The following ZNF554 variants were observed in gnomAD, a reference collection of about 807,000 sequenced individuals.
The protein encoded by ZNF554 is zinc finger protein 554.
ZNF554 carries 15 observed loss-of-function variants against 21.2 expected under a neutral mutation model. The observed-to-expected ratio is 0.71, with a 90% CI of 0.47 to 1.09. ZNF554 has a LOEUF of 1.09. ZNF554 is among the 50% of genes least tolerant of loss of function. ZNF554 has a pLI of 0.00. For synonymous variants in ZNF554, 258 were observed against 251.4 expected (o/e 1.03, Z -0.25); for missense variants, 691 against 662.7 (o/e 1.04, Z -0.47).
chr19:2,834,747 C>T lies in ZNF554; in HGVS notation c.1512C>T (p.Ser504=), dbSNP rs368321922. 7 of 1,614,010 alleles carry T rather than the reference C, an allele frequency of 4.3e-6. No homozygotes were observed. Among genetic ancestry groups the T allele is most frequent in the Non-Finnish European group, 2.5e-6 (3 of 1,179,912 alleles). The change falls in exon 5 of 5, where the codon AGC becomes AGT. Residue 504 remains serine (S), a synonymous_variant. Coordinates refer to ENST00000317243, the MANE Select transcript of ZNF554 (RefSeq NM_001102651.2). ...AATGTGGGAAAGCCTTCAGCCAGAG[C>T]TCATCCCTTGTCACACATCAGAAAA... The part of the protein sequence containing the change: ...CQECGKAFSQ[S]SSLVTHQKTH...
chr19:2,834,876 C>T lies in ZNF554; in HGVS notation c.*24C>T. ...AGCAATTGCACGCTGCTTTGTAAGC[C>T]ACTTTTTAGTACTCTGACACATACA... On this transcript the variant is annotated 3_prime_UTR_variant, in exon 5 of 5. Coordinates refer to ENST00000317243, the MANE Select transcript of ZNF554 (RefSeq NM_001102651.2). 1 of 1,543,686 alleles carries T rather than the reference C, an allele frequency of 6.5e-7. No individual in the cohort carries two copies. Among genetic ancestry groups the T allele is most frequent in the Non-Finnish European group, 8.8e-7 (1 of 1,141,472 alleles).
intron 3 of ZNF554, chr19:2,831,173 C>G (rs1191543399): frequency 1.3e-5 from 2 of 152,114 alleles, no homozygotes. Flanking sequence ...TTATTATGGC[C>G]TTTCTAATAT....
chr19:2,831,359 A>G (rs1300053525), intron 3 of ZNF554: 2 of 151,022 alleles, frequency 1.3e-5, no homozygotes, highest in Non-Finnish European at 2.9e-5. Flanking sequence ...CAGTGCTGCA[A>G]TCTCGGCTCA....
chr19:2,826,347 GTA>G (rs1169651643), intron 2 of ZNF554: 81 of 151,904 alleles, frequency 5.3e-4, no homozygotes, highest in African/African-American at 1.9e-3. Context: ...GGGACTACAG[GTA>G]CGTGCCACCA....
At chr19:2,823,753 G>A (rs1464560927) in intron 2 of ZNF554, among the ~76,000 whole-genome samples, 2 of 152,100 alleles carry the variant, frequency 1.3e-5, no homozygotes, top group African/African-American at 4.8e-5. Flanking sequence ...CCTGTCATCT[G>A]TCTGCCTTCT....
intron 4 of ZNF554, among the ~76,000 whole-genome samples, chr19:2,832,781 C>T (rs1384541257): frequency 6.6e-6 from 1 of 152,170 alleles, no homozygotes; most frequent in Admixed American, 6.5e-5. Context: ...GGTCATATCT[C>T]ACTGCATCCT....
chr19:2,819,886 G>C lies in ZNF554; in HGVS notation c.-186G>C, dbSNP rs1241077759. 8.9e-6 allele frequency: 3 copies of C among 335,240 alleles called. No individual in the cohort carries two copies. Among genetic ancestry groups the C allele is most frequent in the African/African-American group, 6.5e-5 (3 of 45,932 alleles). The allele number at this position is 335,240 out of a possible 1,614,324, so 20.8% of individuals were successfully genotyped here. ...CAGGCGCAGTGCCGAGTTTACCTCT[G>C]CGCGCGTCGGGGTTGGTGGCGGCGG... is the stretch of plus-strand genomic sequence containing the variant. On this transcript the variant is annotated 5_prime_UTR_variant, in exon 1 of 5. Transcript: ENST00000317243.
In ZNF554 at chr19:2,827,615, A is replaced by T; in HGVS notation, c.127-2A>T. 6.2e-7 allele frequency: 1 copy of T among 1,612,652 alleles called. No homozygotes were observed. The highest frequency in any genetic ancestry group is 1.3e-5 in the African/African-American group (1 of 74,968). ...TTGAGCAGAACTGCTGTGATATTCT[A>T]GGAATTAGTAACCTTTGAGGACGTG... On this transcript the variant is annotated splice_acceptor_variant, in intron 2 of 4. Coordinates refer to ENST00000317243, the MANE Select transcript of ZNF554 (RefSeq NM_001102651.2). LOFTEE classifies it high-confidence loss of function.
In ZNF554 at chr19:2,820,015, C is replaced by A. The variant is rs2087240442; in HGVS notation, c.-57C>A. On this transcript the variant is annotated 5_prime_UTR_variant, in exon 1 of 5. Coordinates refer to ENST00000317243, the MANE Select transcript of ZNF554 (RefSeq NM_001102651.2). The stretch of plus-strand genomic sequence containing the variant: ...GGGACACGCAGGGGAGGCCGGCCGG[C>A]CTGCACGGGGCGCTCCCGCCTCGGG... 6.8e-6 allele frequency: 8 copies of A among 1,182,480 alleles called. No homozygotes were observed. The South Asian group carries it at 3.0e-4, about 44-fold the overall frequency. 73.2% of individuals were successfully genotyped at this position (1,182,480 alleles called of 1,614,324 possible). A position where few individuals can be genotyped will look rare whatever the true frequency, so the allele number is the denominator to read the frequency against.
At chr19:2,832,581 C>G in intron 4 of ZNF554, 87 bp downstream of exon 4, 1 of 1,363,288 alleles carries the variant, frequency 7.3e-7, no homozygotes, top group Non-Finnish European at 9.9e-7. Context: ...GGCCCTGATT[C>G]TGTAAGGAGA....
At chr19:2,830,622 G>A (rs12460828) in intron 3 of ZNF554, 29,947 of 152,110 alleles carry the variant, frequency 0.2, 3,879 homozygotes, top group East Asian at 0.46. Flanking sequence ...TTGAGACAGA[G>A]TCTCACTTTG....
chr19:2,822,239 C>T (rs1055502377), intron 1 of ZNF554, among the ~76,000 whole-genome samples: 5 of 150,080 alleles, frequency 3.3e-5, no homozygotes, highest in Admixed American at 1.3e-4. Flanking sequence ...TTTTAGTAGA[C>T]GAGGTTTCAC....
chr19:2,819,970 C>A lies in ZNF554; in HGVS notation c.-102C>A, dbSNP rs8109418. On this transcript the variant is annotated 5_prime_UTR_variant, in exon 1 of 5. Transcript: ENST00000317243. ...GCGTCCGCTCCGAGCGCCGAGGAGC[C>A]GAGCGGAGGAGGCGTCCCAGGGACA... The A allele has an allele frequency of 3.9e-3, 3,698 of 958,178 alleles. 99 individuals are homozygous for A. The African/African-American group carries it at 0.057, about 15-fold the overall frequency. 59.4% of individuals were successfully genotyped at this position (958,178 alleles called of 1,614,324 possible). A position where few individuals can be genotyped will look rare whatever the true frequency, so the allele number is the denominator to read the frequency against.
chr19:2,829,314 G>A (rs1022054792), intron 3 of ZNF554, among the ~76,000 whole-genome samples: 9 of 152,124 alleles, frequency 5.9e-5, no homozygotes, highest in Non-Finnish European at 1.0e-4. Context: ...AGCCAAGATC[G>A]TACCACTGGA....
At chr19:2,825,663 G>A (rs2087322413) in intron 2 of ZNF554, among the ~76,000 whole-genome samples, 1 of 152,132 alleles carries the variant, frequency 6.6e-6, no homozygotes, top group African/African-American at 2.4e-5. Context: ...GAACTCCTGG[G>A]CTCAAACAGA....
At position 2,835,773 on chromosome 19, in the gene ZNF554, A is replaced by C. The variant is rs545283295; in HGVS notation, c.*921A>C. On this transcript the variant is annotated 3_prime_UTR_variant, in exon 5 of 5. Transcript: ENST00000317243. Reference sequence around the variant, plus strand: ...ACAAAAGGTGTTCTGTTTCTTAACTACTTCTGTGTCTTTACTTTTTATTTC... The same window carrying C: ...ACAAAAGGTGTTCTGTTTCTTAACTCCTTCTGTGTCTTTACTTTTTATTTC... 8 of 152,228 alleles carry C rather than the reference A, an allele frequency of 5.3e-5. No homozygotes were observed. Among genetic ancestry groups the C allele is most frequent in the African/African-American group, 1.7e-4 (7 of 41,534 alleles). 9.4% of individuals were successfully genotyped at this position (152,228 alleles called of 1,614,324 possible). A position where few individuals can be genotyped will look rare whatever the true frequency, so the allele number is the denominator to read the frequency against.
intron 1 of ZNF554, among the ~76,000 whole-genome samples, chr19:2,820,702 A>G (rs1229705305): frequency 1.7e-5 from 1 of 58,004 alleles, no homozygotes; most frequent in African/African-American, 1.5e-4. Flanking sequence ...TTTTTTTTTG[A>G]GACGGAGTCT....
At chr19:2,824,468 A>G (rs2087303069) in intron 2 of ZNF554, among the ~76,000 whole-genome samples, 1 of 152,228 alleles carries the variant, frequency 6.6e-6, no homozygotes, top group South Asian at 2.1e-4. Flanking sequence ...TGCCATCAAC[A>G]GGTGGGATCC....
rs777651735 is a variant in ZNF554, at chr19:2,836,587, G to T, written c.*1735G>T. On this transcript the variant is annotated 3_prime_UTR_variant, in exon 5 of 5. Coordinates refer to ENST00000317243, the MANE Select transcript of ZNF554 (RefSeq NM_001102651.2). ...AGGCTGGACAGAGACGTGAAGAAAT[G>T]AATCATTTACGCAATGATTGGGGTG... is the stretch of plus-strand genomic sequence containing the variant. Among the ~76,000 whole-genome samples the T allele has an allele frequency of 1.3e-5, 2 of 152,212 alleles. No individual in the cohort carries two copies. The highest frequency in any genetic ancestry group is 6.5e-5 in the Admixed American group (1 of 15,282).
Sources: allele counts gnomAD v4.1 joint callset (sites outside exome capture counted in the v4.1 genomes callset), GRCh38; gene constraint gnomAD v4.1.1; transcripts MANE v1.5; gene names NCBI Gene and HGNC (gene_info 2026-07-23, HGNC 2026-07-21).